Variants in DAB1 observed in about 807,000 individuals in gnomAD.
DAB1 encodes the protein DAB adaptor protein 1, also known as disabled homolog 1.
DAB1 carries 15 observed loss-of-function variants against 64.6 expected under a neutral mutation model. The observed-to-expected ratio is 0.23, with a 90% CI of 0.16 to 0.36. The LOEUF (loss-of-function observed/expected upper bound fraction) is 0.36. DAB1 is among the 10% of genes least tolerant of loss of function. The pLI is 1.00. For missense variants in DAB1, 596 were observed against 706.7 expected, an observed-to-expected ratio of 0.84 and a Z score of 1.78; for synonymous variants, 235 against 251.9, an observed-to-expected ratio of 0.93 and a Z score of 0.64.
At chr1:58,259,664 G>A (rs1661006885) in intron 4 of DAB1, among the ~76,000 whole-genome samples, 1 of 152,176 alleles carries the variant, frequency 6.6e-6, no homozygotes, top group Admixed American at 6.5e-5. Context: ...GTCGATGTGT[G>A]TGAAATAAAC....
intron 3 of DAB1, among the ~76,000 whole-genome samples, chr1:58,371,405 T>C (rs536949694): frequency 8.5e-5 from 13 of 152,172 alleles, no homozygotes; most frequent in Non-Finnish European, 1.5e-4. Flanking sequence ...TACAGCAATA[T>C]GCATTCACAA....
intron 3 of DAB1, among the ~76,000 whole-genome samples, chr1:58,347,303 T>C (rs982920894): frequency 9.2e-5 from 14 of 152,146 alleles, no homozygotes; most frequent in African/African-American, 3.4e-4. Context: ...AGATGGTGTT[T>C]CACCATGTTA....
Position 57,991,521 on chromosome 1 carries a change from GC to G in DAB1, n.388-107360del, listed in dbSNP as rs112486716. ...GTACTGTGACTGCCGAAGCACAGAA[GC>G]CATGGGAGGCCAGCCCAAAGGAGAG... On this transcript the variant is annotated intron_variant and non_coding_transcript_variant, in intron 5 of 20. Coordinates refer to the DAB1 transcript ENST00000485760. Among the ~76,000 whole-genome samples, 1,112 of 152,196 alleles carry G rather than the reference GC, an allele frequency of 7.3e-3. 17 individuals are homozygous for G. The highest frequency in any genetic ancestry group is 0.026 in the African/African-American group (1,068 of 41,534).
chr1:57,312,953 A>G (rs1454927146), intron 1 of DAB1, among the ~76,000 whole-genome samples: 1 of 152,148 alleles, frequency 6.6e-6, no homozygotes, highest in East Asian at 1.9e-4. Context: ...TAACAAGGTC[A>G]CGGCAGCGCT....
intron 6 of DAB1, among the ~76,000 whole-genome samples, chr1:57,674,918 A>G (rs777324504): frequency 1.8e-4 from 27 of 152,030 alleles, no homozygotes; most frequent in Non-Finnish European, 3.2e-4. Flanking sequence ...GCTTCACTAC[A>G]TTTTCCAGTC....
intron 9 of DAB1, among the ~76,000 whole-genome samples, chr1:57,062,273 T>C (rs1020168181): frequency 6.6e-6 from 1 of 152,198 alleles, no homozygotes; most frequent in African/African-American, 2.4e-5. Flanking sequence ...TATGACCTTT[T>C]CCAAAATTTT....
chr1:58,209,854 G>A (rs1658465514), intron 4 of DAB1, among the ~76,000 whole-genome samples: 1 of 152,192 alleles, frequency 6.6e-6, no homozygotes, highest in East Asian at 1.9e-4. Context: ...TTGATATGCA[G>A]ACAATTAGAA....
intron 1 of DAB1, among the ~76,000 whole-genome samples, chr1:58,530,067 G>A (rs995366205): frequency 2.6e-5 from 4 of 152,076 alleles, no homozygotes; most frequent in African/African-American, 9.7e-5. Context: ...ATTTTTAGTA[G>A]AGACAGGGTT....
chr1:57,395,783 TCCC>T (rs1312073929), intron 1 of DAB1, among the ~76,000 whole-genome samples: 16 of 141,200 alleles, frequency 1.1e-4, no homozygotes, highest in African/African-American at 4.6e-4. Flanking sequence ...GTATAGAGGC[TCCC>T]ATGGCTACCA....
chr1:57,867,729 C>T (rs2101951809), intron 1 of DAB1, among the ~76,000 whole-genome samples: 1 of 152,264 alleles, frequency 6.6e-6, no homozygotes, highest in Admixed American at 6.5e-5. Context: ...GAATGGCTTG[C>T]CCAAGTTTGC....
At chr1:57,203,488 G>T (rs138981123) in intron 2 of DAB1, among the ~76,000 whole-genome samples, 1 of 152,290 alleles carries the variant, frequency 6.6e-6, no homozygotes, top group African/African-American at 2.4e-5. Flanking sequence ...CAGACTAGCT[G>T]CCATGACACT....
intron 2 of DAB1, among the ~76,000 whole-genome samples, chr1:57,286,963 T>G (rs918536329): frequency 1.3e-5 from 2 of 152,172 alleles, no homozygotes; most frequent in Non-Finnish European, 2.9e-5. Context: ...ATATGTATAA[T>G]CATTGAAATA....
intron 4 of DAB1, among the ~76,000 whole-genome samples, chr1:58,189,744 T>A (rs1657285566): frequency 6.6e-6 from 1 of 152,224 alleles, no homozygotes; most frequent in African/African-American, 2.4e-5. Context: ...ATTTTCAATG[T>A]GGAAGTACAA....
intron 7 of DAB1, among the ~76,000 whole-genome samples, chr1:57,628,374 G>A (rs1645948443): frequency 1.3e-5 from 2 of 152,334 alleles, no homozygotes; most frequent in East Asian, 1.9e-4. Flanking sequence ...GAAGAGAGAT[G>A]TGGCAGATAT....
At chr1:57,158,397 A>T (rs1660441015) in intron 2 of DAB1, among the ~76,000 whole-genome samples, 1 of 152,178 alleles carries the variant, frequency 6.6e-6, no homozygotes, top group African/African-American at 2.4e-5. Flanking sequence ...CACCTTGTAA[A>T]TTATTAACAC....
At chr1:58,025,359 G>A (rs1646873873) in intron 5 of DAB1, among the ~76,000 whole-genome samples, 2 of 151,752 alleles carry the variant, frequency 1.3e-5, no homozygotes, top group Admixed American at 1.3e-4. Flanking sequence ...CTGGAAATCT[G>A]GATTTTAACA....
At chr1:57,377,359 G>A (rs775490353) in intron 1 of DAB1, among the ~76,000 whole-genome samples, 1 of 151,970 alleles carries the variant, frequency 6.6e-6, no homozygotes, top group Non-Finnish European at 1.5e-5. Context: ...GTCTAGGTAT[G>A]CCCACATCAA....
chr1:58,393,413 C>G (rs1420984804), intron 3 of DAB1, among the ~76,000 whole-genome samples: 1 of 152,160 alleles, frequency 6.6e-6, no homozygotes, highest in East Asian at 1.9e-4. Context: ...AGGCATTACG[C>G]TAAGAGTTTT....
intron 6 of DAB1, among the ~76,000 whole-genome samples, chr1:57,669,258 A>G (rs1646482964): frequency 6.6e-6 from 1 of 152,128 alleles, no homozygotes; most frequent in African/African-American, 2.4e-5. Flanking sequence ...ATCCAATACA[A>G]TTTTAGTCAA....
Sources: gnomAD v4.1 joint callset for allele counts (sites outside exome capture counted in the v4.1 genomes callset) on GRCh38, gnomAD v4.1.1 for gene constraint, MANE v1.5 for transcripts, NCBI Gene and HGNC (gene_info 2026-07-23, HGNC 2026-07-21) for gene names.